The following BIVM variants were observed in gnomAD, a reference collection of about 807,000 sequenced individuals.
The protein encoded by BIVM is basic immunoglobulin-like variable motif-containing protein.
In BIVM, 31 loss-of-function variants were observed where a neutral mutation model predicts 61.4. The observed-to-expected ratio is 0.51, with a 90% CI of 0.38 to 0.68. The LOEUF is 0.68. Among genes scored for constraint, BIVM ranks in the 30% least tolerant of loss-of-function variants. The pLI, the probability that BIVM is intolerant of heterozygous loss-of-function variation, is 0.00. For synonymous variants in BIVM, 189 were observed against 210.7 expected (o/e 0.90, Z 0.89); for missense variants, 526 against 596.0 (o/e 0.88, Z 1.22).
intron 3 of BIVM, among the ~76,000 whole-genome samples, chr13:102,816,225 A>G (rs994735960): frequency 1.3e-5 from 2 of 152,194 alleles, no homozygotes; most frequent in Non-Finnish European, 2.9e-5. Context: ...CTATTATTGA[A>G]AATACATGTA....
At chr13:102,826,045 T>C (rs1880643665) in intron 7 of BIVM, among the ~76,000 whole-genome samples, 1 of 152,190 alleles carries the variant, frequency 6.6e-6, no homozygotes, top group Non-Finnish European at 1.5e-5. Flanking sequence ...GTTAATTTAA[T>C]GAATTCGCAA....
intron 7 of BIVM, among the ~76,000 whole-genome samples, chr13:102,828,994 A>T (rs180978351): frequency 4.1e-4 from 61 of 149,976 alleles, no homozygotes; most frequent in Non-Finnish European, 8.3e-4. Flanking sequence ...TGTGCCATGC[A>T]CTCCAGCCTG....
At chr13:102,825,167 G>C (rs977531920) in intron 7 of BIVM, among the ~76,000 whole-genome samples, 5 of 152,154 alleles carry the variant, frequency 3.3e-5, no homozygotes, top group Admixed American at 3.3e-4. Flanking sequence ...GGATGGTCTC[G>C]ATCTCCTGAC....
intron 9 of BIVM, among the ~76,000 whole-genome samples, chr13:102,838,208 C>A (rs943246): frequency 0.98 from 149,656 of 152,372 alleles, 73,553 homozygotes; most frequent in East Asian, 1. Flanking sequence ...CTTGAATCTT[C>A]CATCTTTACC....
At chr13:102,799,967 G>C (rs1046658896) in intron 1 of BIVM, among the ~76,000 whole-genome samples, 3 of 152,150 alleles carry the variant, frequency 2.0e-5, no homozygotes, top group Non-Finnish European at 2.9e-5. Context: ...GCCAGCACCC[G>C]GGTCTGGGCC....
At position 102,807,206 on chromosome 13, in the gene BIVM, T is replaced by G. The variant is rs1223946845; in HGVS notation, c.-62T>G. 8.7e-6 allele frequency: 13 copies of G among 1,498,116 alleles called. No homozygotes were observed. The highest frequency in any genetic ancestry group is 1.1e-5 in the Non-Finnish European group (12 of 1,121,674). 92.8% of individuals were successfully genotyped at this position (1,498,116 alleles called of 1,614,324 possible). On this transcript the variant is annotated 5_prime_UTR_variant, in exon 3 of 11. Coordinates refer to ENST00000257336, the MANE Select transcript of BIVM (RefSeq NM_017693.4). The surrounding 1 kb of genome is among the most constrained non-coding windows in gnomAD (Gnocchi z 4.0). ...GCTGTAAACAATTGTCAAAGTTGTT[T>G]ATCAAGAAACAGATAGAGTTGCAAC...
At position 102,807,327 on chromosome 13, in the gene BIVM, T is replaced by A. The variant is rs367726401; in HGVS notation, c.60T>A (p.Ser20=). The part of the protein sequence containing the change: ...SNDSGNGEHK[S]ERKSPEENLQ... ...ATTCTGGAAATGGTGAGCACAAATC[T>A]GAGAGAAAGTCACCTGAAGAGAATC... The change falls in exon 3 of 11, where the codon TCT becomes TCA. Residue 20 remains serine, a synonymous_variant. Transcript: ENST00000257336. This position sits in a 1 kb window ranked among gnomAD's most constrained non-coding sequence, Gnocchi z 4.0. 5.0e-5 allele frequency: 80 copies of A among 1,614,016 alleles called. No individual in the cohort carries two copies. The highest frequency in any genetic ancestry group is 5.3e-5 in the Non-Finnish European group (63 of 1,179,986).
intron 3 of BIVM, among the ~76,000 whole-genome samples, chr13:102,813,985 C>T (rs1566447262): frequency 6.6e-6 from 1 of 152,134 alleles, no homozygotes; most frequent in Non-Finnish European, 1.5e-5. Context: ...TTGGTTCTTC[C>T]AGTAAAAAAA....
At chr13:102,821,159 C>G (rs1254308408) in intron 5 of BIVM, 27 bp downstream of exon 5, 2 of 1,573,348 alleles carry the variant, frequency 1.3e-6, no homozygotes, top group East Asian at 2.3e-5. Context: ...ATCAGTACCC[C>G]CAAACTCCAA....
At chr13:102,821,938 A>G in intron 6 of BIVM, 91 bp downstream of exon 6, 1 of 1,538,198 alleles carries the variant, frequency 6.5e-7, no homozygotes, top group Non-Finnish European at 8.9e-7. Flanking sequence ...CCATGTATCC[A>G]GCTGCTGGGC....
rs79575288 is a variant in BIVM, at chr13:102,812,006, C to T, written c.478+4261C>T. ...GTGTCTTCTCCTTCTGGAACTTCTG[C>T]AATGTATAGGTTGGTCCACTCGATG... On this transcript the variant is annotated intron_variant, in intron 3 of 10. Coordinates refer to ENST00000257336, the MANE Select transcript of BIVM (RefSeq NM_017693.4). Among the ~76,000 whole-genome samples the T allele has an allele frequency of 1.4e-3, 217 of 152,272 alleles. 3 individuals carry two copies. In the South Asian group the frequency reaches 0.018, roughly 12 times the overall value.
chr13:102,810,755 G>A (rs544078024), intron 3 of BIVM, among the ~76,000 whole-genome samples: 36 of 152,094 alleles, frequency 2.4e-4, no homozygotes, highest in Admixed American at 6.5e-4. Context: ...TTTTGAAATA[G>A]GGTCTTGCTC....
chr13:102,839,554 A>T lies in BIVM; in HGVS notation c.1219-18A>T. 1 of 1,609,890 alleles carries T rather than the reference A, an allele frequency of 6.2e-7. No homozygotes were observed. The highest frequency in any genetic ancestry group is 8.5e-7 in the Non-Finnish European group (1 of 1,177,840). Reference sequence around the variant, plus strand: ...AATTTCCCTTTATTTTCTTCAGCCAACATTTTTTTCTTCTCAGGTTGGGGG... The same window carrying T: ...AATTTCCCTTTATTTTCTTCAGCCATCATTTTTTTCTTCTCAGGTTGGGGG... On this transcript the variant is annotated intron_variant, in intron 10 of 10. Transcript: ENST00000257336.
chr13:102,826,097 C>T (rs1006526501), intron 7 of BIVM, among the ~76,000 whole-genome samples: 1 of 152,140 alleles, frequency 6.6e-6, no homozygotes, highest in Non-Finnish European at 1.5e-5. Flanking sequence ...ATTGGGGTTA[C>T]GAAACTTCTA....
At chr13:102,824,900 C>T (rs1880556298) in intron 7 of BIVM, among the ~76,000 whole-genome samples, 1 of 151,986 alleles carries the variant, frequency 6.6e-6, no homozygotes, top group South Asian at 2.1e-4. Flanking sequence ...GCTAGGACTA[C>T]AGGTTCATGC....
At chr13:102,832,726 A>T (rs116736518) in intron 8 of BIVM, among the ~76,000 whole-genome samples, 4,739 of 152,258 alleles carry the variant, frequency 0.031, 257 homozygotes, top group African/African-American at 0.11. Context: ...GCTCTGAGCC[A>T]ATTTTTATTT....
chr13:102,812,028 G>A (rs552096400), intron 3 of BIVM, among the ~76,000 whole-genome samples: 4 of 152,250 alleles, frequency 2.6e-5, no homozygotes, highest in South Asian at 2.1e-4. Context: ...TGGTCCACTC[G>A]ATGGTGTCCC....
intron 3 of BIVM, 53 bp from the exon 4 acceptor site, chr13:102,816,375 T>A: frequency 6.9e-7 from 1 of 1,459,282 alleles, no homozygotes; most frequent in Non-Finnish European, 9.0e-7. Context: ...TTTTTGTCAT[T>A]TCAGTTTACT....
intron 7 of BIVM, among the ~76,000 whole-genome samples, chr13:102,822,448 GTGTT>G (rs1439924015): frequency 5.9e-5 from 9 of 152,238 alleles, no homozygotes; most frequent in Admixed American, 4.6e-4. Context: ...GTGTGTGTGT[GTGTT>G]TGTGTGTGTA....
Sources: allele counts gnomAD v4.1 joint callset (sites outside exome capture counted in the v4.1 genomes callset), GRCh38; gene constraint gnomAD v4.1.1; non-coding constraint Gnocchi (gnomAD v3.1); transcripts MANE v1.5; gene names NCBI Gene and HGNC (gene_info 2026-07-23, HGNC 2026-07-21).